STK33: variants seen among roughly 807,000 people sequenced by gnomAD.
The protein encoded by STK33 is serine/threonine kinase 33.
In STK33, 52 loss-of-function variants were observed where a neutral mutation model predicts 58.0. The ratio of observed to expected loss-of-function variants is 0.90; its 90% CI spans 0.72 to 1.13. The LOEUF (loss-of-function observed/expected upper bound fraction) is 1.13, where lower values mean the gene tolerates loss of function less well. STK33 is among the 50% of genes most tolerant of loss of function. The pLI is 0.00. For missense variants in STK33, 630 were observed against 604.2 expected, an observed-to-expected ratio of 1.04 and a Z score of -0.45; for synonymous variants, 215 against 200.1, an observed-to-expected ratio of 1.07 and a Z score of -0.63.
chr11:8,455,719 G>A (rs1946767806), intron 9 of STK33, among the ~76,000 whole-genome samples: 1 of 148,670 alleles, frequency 6.7e-6, no homozygotes, highest in Non-Finnish European at 1.5e-5. Flanking sequence ...GCTGCGGCAG[G>A]AGAATGGCGT....
rs1477000426 is a variant in STK33, at chr11:8,461,833, T to C, written c.530A>G (p.His177Arg). ...LKSVKHEHII[H>R]LEQVFETPKK... The stretch of plus-strand genomic sequence containing the variant: ...TGGCGTTTCAAATACTTGTTCCAGA[T>C]GTATGATGTGTTCATGTTTTACACT... The change falls in exon 8 of 16, where the codon CAT becomes CGT. Residue 177 changes from histidine to arginine, a missense_variant. By Grantham distance (29) the His-to-Arg change is conservative. Transcript: ENST00000687296. 2 of 1,601,076 alleles carry C rather than the reference T, an allele frequency of 1.2e-6. No individual in the cohort carries two copies. Among genetic ancestry groups the C allele is most frequent in the Non-Finnish European group, 8.5e-7 (1 of 1,175,294 alleles).
chr11:8,377,524 G>A, the STK33 span, among the ~76,000 whole-genome samples: 1 of 152,078 alleles, frequency 6.6e-6, no homozygotes, highest in Non-Finnish European at 1.5e-5. Context: ...CATACTGAAT[G>A]GGGAAAAGGT....
At chr11:8,544,501 T>G (rs1356959259) in intron 1 of STK33, among the ~76,000 whole-genome samples, 2 of 151,634 alleles carry the variant, frequency 1.3e-5, no homozygotes, top group African/African-American at 4.8e-5. Flanking sequence ...TTTATAGCTT[T>G]TTAAATTTTT....
At chr11:8,494,415 C>A (rs1950885659) in intron 1 of STK33, among the ~76,000 whole-genome samples, 1 of 152,162 alleles carries the variant, frequency 6.6e-6, no homozygotes, top group East Asian at 1.9e-4. Context: ...TCAAGGAGAA[C>A]TACAAACCAC....
At chr11:8,413,465 T>C (rs770572042) in intron 15 of STK33, 30 bp downstream of exon 15, 1 of 1,611,598 alleles carries the variant, frequency 6.2e-7, no homozygotes, top group South Asian at 1.1e-5. Context: ...ATTTTACACT[T>C]GGGAGAAATG....
chr11:8,343,799 C>A, the STK33 span, among the ~76,000 whole-genome samples: 1 of 152,144 alleles, frequency 6.6e-6, no homozygotes, highest in Non-Finnish European at 1.5e-5. Flanking sequence ...GGCTCCTTAG[C>A]CCTCGAGGGC....
intron 1 of STK33, among the ~76,000 whole-genome samples, chr11:8,569,944 G>A (rs996582468): frequency 2.0e-5 from 3 of 152,002 alleles, no homozygotes; most frequent in African/African-American, 7.2e-5. Flanking sequence ...GTGAGACCCT[G>A]TCTCAAAAAA....
intron 15 of STK33, among the ~76,000 whole-genome samples, chr11:8,402,562 A>C (rs1352564017): frequency 6.6e-6 from 1 of 152,186 alleles, no homozygotes; most frequent in Non-Finnish European, 1.5e-5. Flanking sequence ...ACATGTATAC[A>C]TATGTAACAA....
intron 15 of STK33, among the ~76,000 whole-genome samples, chr11:8,405,986 C>CA (rs1278960541): frequency 2.0e-5 from 3 of 151,056 alleles, no homozygotes; most frequent in African/African-American, 2.4e-5. Context: ...ACTAAAAATA[C>CA]AAAAAAATTA....
intron 1 of STK33, among the ~76,000 whole-genome samples, chr11:8,513,085 G>A (rs1952471768): frequency 1.3e-5 from 2 of 152,142 alleles, no homozygotes; most frequent in Admixed American, 1.3e-4. Flanking sequence ...TATGAATAAT[G>A]ATGCATATAA....
the STK33 span, among the ~76,000 whole-genome samples, chr11:8,373,286 C>T: frequency 1.3e-5 from 2 of 152,222 alleles, no homozygotes; most frequent in African/African-American, 4.8e-5. Context: ...CCAGCCCAGA[C>T]TCAAGGGGTT....
chr11:8,369,295 C>G, the STK33 span, among the ~76,000 whole-genome samples: 21 of 137,748 alleles, frequency 1.5e-4, no homozygotes, highest in South Asian at 1.1e-3. Flanking sequence ...GGTTTTTACT[C>G]TGTGTGTGTG....
chr11:8,454,965 G>T, intron 9 of STK33, 133 bp from the exon 10 acceptor site: 1 of 895,290 alleles, frequency 1.1e-6, no homozygotes, highest in Non-Finnish European at 1.5e-6. Context: ...AGTCTGTCCT[G>T]TTCTATTCTC....
chr11:8,447,225 C>T (rs1945605642), intron 11 of STK33, among the ~76,000 whole-genome samples: 1 of 152,164 alleles, frequency 6.6e-6, no homozygotes, highest in Non-Finnish European at 1.5e-5. Context: ...GAGCTGGTAC[C>T]ATTCCTTCTG....
chr11:8,352,380 T>C, the STK33 span, among the ~76,000 whole-genome samples: 7 of 152,230 alleles, frequency 4.6e-5, no homozygotes, highest in East Asian at 9.6e-4. Flanking sequence ...TGTGGTATTG[T>C]CTGGGGGTGG....
intron 1 of STK33, among the ~76,000 whole-genome samples, chr11:8,543,201 C>G (rs1394791351): frequency 6.6e-6 from 1 of 152,134 alleles, no homozygotes; most frequent in East Asian, 1.9e-4. Context: ...TCCAAGGAAT[C>G]TAAAAGAGGG....
rs573899722 is a variant in STK33, at chr11:8,459,824, A to G, written c.558+1981T>C. Among the ~76,000 whole-genome samples the G allele has an allele frequency of 1.1e-4, 16 of 152,322 alleles. No homozygotes were observed. In the South Asian group the frequency reaches 3.3e-3, roughly 32 times the overall value. ...CAGAGATTTGCAGAGGATCCCCTCAATTCTTCAGGAGAGCATGAATCAACA... is the reference window on the plus strand; with the variant it reads ...CAGAGATTTGCAGAGGATCCCCTCAGTTCTTCAGGAGAGCATGAATCAACA... On this transcript the variant is annotated intron_variant, in intron 8 of 15. Transcript: ENST00000687296.
intron 15 of STK33, 113 bp downstream of exon 15, chr11:8,413,382 C>G (rs768021826): frequency 8.7e-7 from 1 of 1,148,910 alleles, no homozygotes; most frequent in South Asian, 1.4e-5. Flanking sequence ...TGCTATATAA[C>G]GCTCGGCCTT....
At chr11:8,513,237 C>T (rs909017911) in intron 1 of STK33, among the ~76,000 whole-genome samples, 2 of 152,102 alleles carry the variant, frequency 1.3e-5, no homozygotes, top group Admixed American at 6.6e-5. Flanking sequence ...AATCAAGAAC[C>T]TGCTGGTTTT....
Sources: gnomAD v4.1 joint callset for allele counts (sites outside exome capture counted in the v4.1 genomes callset) on GRCh38, gnomAD v4.1.1 for gene constraint, MANE v1.5 for transcripts, NCBI Gene and HGNC (gene_info 2026-07-23, HGNC 2026-07-21) for gene names.